The following EXOC6B variants were observed in gnomAD, a reference collection of about 807,000 sequenced individuals.
EXOC6B encodes SEC15 homolog B.
In EXOC6B, 54 loss-of-function variants were observed where a neutral mutation model predicts 113.5. That is an observed-to-expected ratio of 0.48 (90% CI 0.38 to 0.60). The LOEUF (loss-of-function observed/expected upper bound fraction) is 0.60, where lower values mean the gene tolerates loss of function less well. Among genes scored for constraint, EXOC6B ranks in the 20% least tolerant of loss-of-function variants. The probability of loss-of-function intolerance (pLI) is 0.00; values close to 1 mark genes in which losing one functional copy is unlikely to be tolerated. For synonymous variants in EXOC6B, 357 were observed against 339.0 expected (o/e 1.05, Z -0.58); for missense variants, 797 against 977.5 (o/e 0.82, Z 2.46).
At chr2:72,245,611 C>T (rs1395898041) in intron 20 of EXOC6B, among the ~76,000 whole-genome samples, 1 of 152,096 alleles carries the variant, frequency 6.6e-6, no homozygotes, top group East Asian at 1.9e-4. Context: ...CCTGAAAGGA[C>T]AAAACTATGA....
chr2:72,499,115 TA>T, intron 12 of EXOC6B, among the ~76,000 whole-genome samples: 2 of 151,924 alleles, frequency 1.3e-5, no homozygotes, highest in Admixed American at 1.3e-4. Context: ...TATGAAAACA[TA>T]ATGGCTCAGG....
At chr2:72,608,691 C>T (rs777516271) in intron 6 of EXOC6B, among the ~76,000 whole-genome samples, 7 of 151,918 alleles carry the variant, frequency 4.6e-5, no homozygotes, top group Admixed American at 2.6e-4. Context: ...AAAGGAGTTT[C>T]AACACCAGTT....
intron 18 of EXOC6B, among the ~76,000 whole-genome samples, chr2:72,412,793 C>G (rs1167463121): frequency 6.6e-6 from 1 of 152,130 alleles, no homozygotes; most frequent in Admixed American, 6.5e-5. Context: ...TAGAAGTACT[C>G]CAGCTCATCA....
At chr2:72,521,889 G>C (rs902776240) in intron 8 of EXOC6B, among the ~76,000 whole-genome samples, 1 of 152,102 alleles carries the variant, frequency 6.6e-6, no homozygotes, top group Non-Finnish European at 1.5e-5. Flanking sequence ...GTAGAGACAA[G>C]GTTTCACCAT....
chr2:72,519,994 C>T (rs944237909), intron 8 of EXOC6B, among the ~76,000 whole-genome samples: 5 of 152,186 alleles, frequency 3.3e-5, no homozygotes, highest in Non-Finnish European at 4.4e-5. Flanking sequence ...TGAACATCAA[C>T]TACTTAGAAA....
intron 13 of EXOC6B, among the ~76,000 whole-genome samples, chr2:72,497,007 T>C (rs1700072572): frequency 6.7e-6 from 1 of 149,786 alleles, no homozygotes; most frequent in African/African-American, 2.4e-5. Flanking sequence ...AGGGTCTCGC[T>C]CTGTCACCCA....
chr2:72,696,313 C>A (rs1449450146), intron 6 of EXOC6B, among the ~76,000 whole-genome samples: 2 of 152,082 alleles, frequency 1.3e-5, no homozygotes, highest in Non-Finnish European at 2.9e-5. Flanking sequence ...CTAAAATATT[C>A]CTGTGGTTTG....
At chr2:72,480,873 G>T in intron 16 of EXOC6B, 123 bp from the exon 17 acceptor site, 1 of 966,560 alleles carries the variant, frequency 1.0e-6, no homozygotes, top group Non-Finnish European at 1.5e-6. Context: ...CCACATTCGG[G>T]CAAGGGGTAT....
At chr2:72,258,279 T>A (rs1343655523) in intron 20 of EXOC6B, among the ~76,000 whole-genome samples, 1 of 152,092 alleles carries the variant, frequency 6.6e-6, no homozygotes, top group Non-Finnish European at 1.5e-5. Flanking sequence ...TTGTTTTATC[T>A]TGATGTTCTC....
intron 15 of EXOC6B, 103 bp from the exon 16 acceptor site, chr2:72,492,532 A>G (rs1366553344): frequency 1.6e-6 from 1 of 633,768 alleles, no homozygotes; most frequent in Non-Finnish European, 2.8e-6. Context: ...AAATAATAAT[A>G]GCAGCAGCAA....
At position 72,465,322 on chromosome 2, in the gene EXOC6B, A is replaced by G. The variant is rs1173527483; in HGVS notation, c.1818T>C (p.Ala606=). Residue 606 remains alanine, a synonymous_variant, in exon 18 of 22, where the codon GCT becomes GCC. Transcript: ENST00000272427. ...TTAAGTTGGTATAAATCTCTTCTTC[A>G]GCTGCATGTCTAGCATCCTGTGAAA... ...TTTFKDARHA[A]EEEIYTNLNQ... 5 of 1,598,260 alleles carry G rather than the reference A, an allele frequency of 3.1e-6. No individual in the cohort carries two copies. Among genetic ancestry groups the G allele is most frequent in the Non-Finnish European group, 3.4e-6 (4 of 1,172,094 alleles).
At chr2:72,604,057 GA>G (rs370923292) in intron 6 of EXOC6B, among the ~76,000 whole-genome samples, 2,567 of 148,868 alleles carry the variant, frequency 0.017, 85 homozygotes, top group African/African-American at 0.056. Context: ...AACTGTGCCA[GA>G]AAAAAAAAAT....
At chr2:72,361,564 G>A (rs765414434) in intron 19 of EXOC6B, among the ~76,000 whole-genome samples, 1 of 152,184 alleles carries the variant, frequency 6.6e-6, no homozygotes, top group Non-Finnish European at 1.5e-5. Flanking sequence ...AAGAATAGCT[G>A]GGCTCAAGTA....
chr2:72,736,193 TA>T (rs970189355), intron 2 of EXOC6B, among the ~76,000 whole-genome samples: 79 of 131,138 alleles, frequency 6.0e-4, no homozygotes, highest in Middle Eastern at 3.7e-3. Flanking sequence ...CTCAAAAAAT[TA>T]AAAAAAAAAA....
chr2:72,778,974 A>C (rs1160645459), intron 1 of EXOC6B, among the ~76,000 whole-genome samples: 1 of 152,160 alleles, frequency 6.6e-6, no homozygotes, highest in East Asian at 1.9e-4. Flanking sequence ...ATATACAGTG[A>C]ATATGTCCAT....
chr2:72,747,441 A>C (rs1472649776), intron 1 of EXOC6B, among the ~76,000 whole-genome samples: 2 of 152,046 alleles, frequency 1.3e-5, no homozygotes, highest in African/African-American at 2.4e-5. Flanking sequence ...AAGGAAGAAG[A>C]TATTGCCCAA....
chr2:72,429,870 A>T (rs1240422307), intron 18 of EXOC6B, among the ~76,000 whole-genome samples: 1 of 152,212 alleles, frequency 6.6e-6, no homozygotes, highest in Non-Finnish European at 1.5e-5. Context: ...AAGATGGGAG[A>T]CTGCTTTAGC....
intron 18 of EXOC6B, among the ~76,000 whole-genome samples, chr2:72,428,712 A>T (rs936099570): frequency 1.3e-5 from 2 of 152,210 alleles, no homozygotes; most frequent in Admixed American, 6.5e-5. Context: ...GTTTCCAGCC[A>T]AAAAAGCAAC....
At chr2:72,228,321 G>A (rs928080073) in intron 20 of EXOC6B, among the ~76,000 whole-genome samples, 1 of 151,962 alleles carries the variant, frequency 6.6e-6, no homozygotes, top group Non-Finnish European at 1.5e-5. Flanking sequence ...CAACGTGCAG[G>A]TTTGTTACAT....
Sources: gnomAD v4.1 joint callset for allele counts (sites outside exome capture counted in the v4.1 genomes callset) on GRCh38, gnomAD v4.1.1 for gene constraint, MANE v1.5 for transcripts, NCBI Gene and HGNC (gene_info 2026-07-23, HGNC 2026-07-21) for gene names.